The following BMPER variants were observed in gnomAD, a reference collection of about 807,000 sequenced individuals.
BMPER encodes the protein BMP-binding endothelial regulator protein.
In BMPER, 45 loss-of-function variants were observed where a neutral mutation model predicts 87.3. The ratio of observed to expected loss-of-function variants is 0.52; its 90% CI spans 0.41 to 0.66. The LOEUF is 0.66. Among genes scored for constraint, BMPER ranks in the 30% least tolerant of loss-of-function variants. The pLI is 0.00. For synonymous variants in BMPER, 326 were observed against 316.2 expected (o/e 1.03, Z -0.33); for missense variants, 784 against 867.5 (o/e 0.90, Z 1.21).
At chr7:34,024,565 G>C (rs1209415809) in intron 6 of BMPER, among the ~76,000 whole-genome samples, 4 of 149,366 alleles carry the variant, frequency 2.7e-5, no homozygotes, top group Admixed American at 2.7e-4. Flanking sequence ...CAATTCCAAT[G>C]CTTTTAGCTG....
rs545064563 is a variant in BMPER at position 33,977,629 on chromosome 7, C to G, written c.576+2845C>G. Among the ~76,000 whole-genome samples the G allele has an allele frequency of 1.1e-3, 170 of 152,016 alleles. 1 individual carries two copies. The highest frequency in any genetic ancestry group is 1.3e-4 in the Non-Finnish European group (9 of 67,982). On this transcript the variant is annotated intron_variant, in intron 6 of 14. Transcript: ENST00000649409. ...AGACTGCATGTAATAACCTGTTGTGCTTTGGTAAAAATAGAAAGATATATA... is the reference window on the plus strand; with the variant it reads ...AGACTGCATGTAATAACCTGTTGTGGTTTGGTAAAAATAGAAAGATATATA...
chr7:33,907,932 T>G (rs1783863107), intron 2 of BMPER, among the ~76,000 whole-genome samples: 1 of 152,222 alleles, frequency 6.6e-6, no homozygotes, highest in Non-Finnish European at 1.5e-5. Context: ...TGTTTTGAAG[T>G]GATAAATGGG....
intron 2 of BMPER, among the ~76,000 whole-genome samples, chr7:33,934,541 G>A (rs1217263102): frequency 6.7e-6 from 1 of 150,118 alleles, no homozygotes; most frequent in African/African-American, 2.5e-5. Flanking sequence ...AAAAAATCCA[G>A]ATGTGAATCT....
intron 2 of BMPER, among the ~76,000 whole-genome samples, chr7:33,914,883 A>G (rs1784051967): frequency 6.6e-6 from 1 of 152,204 alleles, no homozygotes. Flanking sequence ...TAAACATTGC[A>G]AAGACCTGGA....
At chr7:33,999,899 TA>T (rs1282688545) in intron 6 of BMPER, among the ~76,000 whole-genome samples, 3 of 152,162 alleles carry the variant, frequency 2.0e-5, no homozygotes, top group Non-Finnish European at 2.9e-5. Context: ...TCTCAGAACT[TA>T]AAAGGCCACT....
In BMPER at chr7:34,089,763, T is replaced by C. The variant is rs145178714; in HGVS notation, c.1745+3671T>C. Among the ~76,000 whole-genome samples, 1,104 of 152,256 alleles carry C rather than the reference T, an allele frequency of 7.3e-3. 21 individuals carry two copies. Among genetic ancestry groups the C allele is most frequent in the African/African-American group, 0.025 (1,036 of 41,548 alleles). On this transcript the variant is annotated intron_variant, in intron 13 of 14. Coordinates refer to ENST00000649409, the MANE Select transcript of BMPER (RefSeq NM_001365308.1). ...CCTCCCAAAGTGCTGGGATTACAGG[T>C]GTGAGCCACTGTGCCCACCCTGCAA... is the stretch of plus-strand genomic sequence containing the variant.
At chr7:33,968,266 A>G (rs1350254089) in intron 4 of BMPER, among the ~76,000 whole-genome samples, 1 of 152,156 alleles carries the variant, frequency 6.6e-6, no homozygotes, top group East Asian at 1.9e-4. Context: ...TATTTTATTC[A>G]ATACGCAGAA....
At chr7:34,136,915 G>A (rs1790735258) in intron 13 of BMPER, among the ~76,000 whole-genome samples, 2 of 152,186 alleles carry the variant, frequency 1.3e-5, no homozygotes, top group Non-Finnish European at 1.5e-5. Flanking sequence ...TACATCTGTC[G>A]TTCAAAACTG....
intron 6 of BMPER, chr7:34,042,792 A>AC (rs1418555206): frequency 1.3e-5 from 2 of 152,244 alleles, no homozygotes; most frequent in Admixed American, 6.5e-5. Flanking sequence ...ACTGGCCCCT[A>AC]CCCCCAAGAC....
intron 13 of BMPER, among the ~76,000 whole-genome samples, chr7:34,107,770 T>C (rs952312959): frequency 2.0e-5 from 3 of 152,172 alleles, no homozygotes; most frequent in Non-Finnish European, 2.9e-5. Context: ...TGGTGCTCTA[T>C]GTATTGGGTT....
At chr7:34,054,738 C>T (rs773137236) in intron 8 of BMPER, among the ~76,000 whole-genome samples, 1 of 152,170 alleles carries the variant, frequency 6.6e-6, no homozygotes. Context: ...CCAAAGATAT[C>T]ATGCCTTTAC....
intron 6 of BMPER, among the ~76,000 whole-genome samples, chr7:33,975,219 G>A (rs1384508679): frequency 6.6e-6 from 1 of 152,098 alleles, no homozygotes; most frequent in Non-Finnish European, 1.5e-5. Context: ...TGTTCCTCAG[G>A]GGCTGAGGAC....
chr7:33,954,939 A>C (rs957812569), intron 3 of BMPER, among the ~76,000 whole-genome samples: 1 of 151,986 alleles, frequency 6.6e-6, no homozygotes, highest in Non-Finnish European at 1.5e-5. Context: ...CTCTTGTTGC[A>C]CAGGCTAGAG....
At chr7:34,001,637 G>A (rs1786583669) in intron 6 of BMPER, among the ~76,000 whole-genome samples, 1 of 146,512 alleles carries the variant, frequency 6.8e-6, no homozygotes, top group Non-Finnish European at 1.5e-5. Context: ...ACCTACTTTT[G>A]GTTTCATCGA....
chr7:34,112,891 G>A (rs1262386768), intron 13 of BMPER, among the ~76,000 whole-genome samples: 1 of 151,888 alleles, frequency 6.6e-6, no homozygotes, highest in Non-Finnish European at 1.5e-5. Context: ...GAGCATTTAA[G>A]GTGATTCTAA....
chr7:34,065,243 T>TCTCTCC (rs1554313034), intron 11 of BMPER, among the ~76,000 whole-genome samples: 116 of 130,304 alleles, frequency 8.9e-4, no homozygotes, highest in African/African-American at 3.0e-3. Flanking sequence ...TCTCTCTCTC[T>TCTCTCC]CTCTCCCTCT....
At chr7:34,044,705 C>A (rs1199163044) in intron 6 of BMPER, among the ~76,000 whole-genome samples, 8 of 152,076 alleles carry the variant, frequency 5.3e-5, no homozygotes, top group Admixed American at 4.6e-4. Flanking sequence ...AATGTAAAAA[C>A]AACAGAAGAG....
intron 13 of BMPER, among the ~76,000 whole-genome samples, chr7:34,137,873 T>A (rs1489013812): frequency 1.3e-5 from 2 of 152,032 alleles, no homozygotes. Context: ...GAACTTTGAA[T>A]TTTTTTTGTA....
chr7:34,009,977 C>T (rs1461878310), intron 6 of BMPER, among the ~76,000 whole-genome samples: 1 of 151,984 alleles, frequency 6.6e-6, no homozygotes, highest in East Asian at 1.9e-4. Context: ...GATGAGATAC[C>T]ATGTTTTTCC....
Sources: allele counts gnomAD v4.1 joint callset (sites outside exome capture counted in the v4.1 genomes callset), GRCh38; gene constraint gnomAD v4.1.1; transcripts MANE v1.5; gene names NCBI Gene and HGNC (gene_info 2026-07-23, HGNC 2026-07-21).